LILRA5: variants seen among roughly 807,000 people sequenced by gnomAD.
The protein encoded by LILRA5 is leukocyte immunoglobulin like receptor A5.
In LILRA5, 31 loss-of-function variants were observed where a neutral mutation model predicts 36.3. The observed-to-expected ratio is 0.85, with a 90% confidence interval of 0.64 to 1.15. The LOEUF is 1.15. Ranked by LOEUF, LILRA5 falls within the 50% of genes most tolerant of loss-of-function variation. The pLI is 0.00. For missense variants in LILRA5, 348 were observed against 377.4 expected (o/e 0.92, Z 0.64); for synonymous variants, 144 against 144.8 (o/e 0.99, Z 0.04).
chr19:54,308,385 A>AGG lies in LILRA5; in HGVS notation c.713-638_713-637insCC, dbSNP rs2080938078. On this transcript the variant is annotated intron_variant, in intron 5 of 6. Coordinates refer to ENST00000432233, the MANE Select transcript of LILRA5 (RefSeq NM_021250.4). The stretch of plus-strand genomic sequence containing the variant: ...TATATATATATATATATATATATAT[A>AGG]TATATATATATATATATATATATGG... The AGG allele has an allele frequency of 2.4e-5, 2 of 84,508 alleles. 1 individual carries two copies. Among genetic ancestry groups the AGG allele is most frequent in the East Asian group, 7.7e-4 (2 of 2,582 alleles). The allele number at this position is 84,508 out of a possible 1,614,324, so 5.2% of individuals were successfully genotyped here. A position where few individuals can be genotyped will look rare whatever the true frequency, so the allele number is the denominator to read the frequency against.
At chr19:54,312,289 T>C in intron 3 of LILRA5, 46 bp downstream of exon 3, 1 of 1,614,038 alleles carries the variant, frequency 6.2e-7, no homozygotes, top group Non-Finnish European at 8.5e-7. Context: ...TGGCCCTTTG[T>C]CCCCATTGAG....
At chr19:54,309,927 G>T in intron 5 of LILRA5, 1 of 176,704 alleles carries the variant, frequency 5.7e-6, no homozygotes, top group Non-Finnish European at 1.2e-5. Flanking sequence ...CTTTGTCTCA[G>T]GGGTGCCCTG....
intron 1 of LILRA5, 140 bp downstream of exon 1, chr19:54,312,877 A>G: frequency 9.3e-7 from 1 of 1,076,364 alleles, no homozygotes. Context: ...GAGAGCCGGG[A>G]CACAGCAGCA....
At chr19:54,312,716 A>T in intron 1 of LILRA5, 95 bp from the exon 2 acceptor site, 4 of 1,235,424 alleles carry the variant, frequency 3.2e-6, no homozygotes, top group Non-Finnish European at 3.5e-6. Context: ...AGAAAGGGGA[A>T]CTGCTCTCCC....
chr19:54,307,800 GC>G (rs1569137912), intron 5 of LILRA5, 52 bp from the exon 6 acceptor site: 2 of 1,490,480 alleles, frequency 1.3e-6, no homozygotes, highest in African/African-American at 1.4e-5. Flanking sequence ...AGCAATCTGA[GC>G]CCAGCCTCTC....
In LILRA5 at chr19:54,307,468, A is replaced by G; in HGVS notation, c.845T>C (p.Leu282Pro). ...CTGGCTGTGCCAATCCTGAAATATC[A>G]GAATCCCAAGGACCACCAGGATCAA... ...AGLILVVLGILIFQDWHSQRS... is the reference protein window; with the variant it reads ...AGLILVVLGIPIFQDWHSQRS... The change falls in exon 7 of 7, where the codon CTG becomes CCG. Residue 282 changes from leucine to proline, a missense_variant. Coordinates refer to ENST00000432233, the MANE Select transcript of LILRA5 (RefSeq NM_021250.4). 1 of 1,613,956 alleles carries G rather than the reference A, an allele frequency of 6.2e-7. No homozygotes were observed. The highest frequency in any genetic ancestry group is 1.1e-5 in the South Asian group (1 of 91,060).
At chr19:54,310,125 G>A in intron 5 of LILRA5, 1 of 112,578 alleles carries the variant, frequency 8.9e-6, no homozygotes. Flanking sequence ...TGGGTGAGGG[G>A]CTCCATCCTC....
intron 5 of LILRA5, chr19:54,310,635 A>G: frequency 4.4e-6 from 1 of 227,610 alleles, no homozygotes; most frequent in Non-Finnish European, 9.2e-6. Context: ...CACATCTCAG[A>G]TGCCCCACAA....
chr19:54,312,740 C>T, intron 1 of LILRA5, 119 bp from the exon 2 acceptor site: 2 of 1,033,846 alleles, frequency 1.9e-6, no homozygotes, highest in South Asian at 1.4e-5. Context: ...GAGCCTGGCT[C>T]TCATTTCCCC....
chr19:54,312,066 C>T lies in LILRA5; in HGVS notation c.207G>A (p.Gly69=). ...RGNSVTIRCQ[G]TLEAQEYRLV... The stretch of plus-strand genomic sequence containing the variant: ...GACGGTATTCCTGGGCCTCCAGGGT[C>T]CCCTGACACCGGATGGTCACAGAGT... Residue 69 remains glycine, a synonymous_variant, in exon 4 of 7, where the codon GGG becomes GGA. Transcript: ENST00000432233. 1 of 1,614,142 alleles carries T rather than the reference C, an allele frequency of 6.2e-7. No homozygotes were observed. Among genetic ancestry groups the T allele is most frequent in the Non-Finnish European group, 8.5e-7 (1 of 1,179,998 alleles).
intron 4 of LILRA5, 56 bp downstream of exon 4, chr19:54,311,808 C>A: frequency 6.2e-7 from 1 of 1,613,070 alleles, no homozygotes; most frequent in South Asian, 1.1e-5. Context: ...CCCCTGAGAG[C>A]CGACCCCCTT....
chr19:54,308,383 A>ATATATG lies in LILRA5; in HGVS notation c.713-636_713-635insCATATA, dbSNP rs2080937531. On this transcript the variant is annotated intron_variant, in intron 5 of 6. Coordinates refer to ENST00000432233, the MANE Select transcript of LILRA5 (RefSeq NM_021250.4). ...TATATATATATATATATATATATAT[A>ATATATG]TATATATATATATATATATATATAT... The ATATATG allele has an allele frequency of 4.1e-5, 3 of 72,862 alleles. No individual in the cohort carries two copies. In the East Asian group the frequency reaches 1.3e-3, roughly 33 times the overall value. 4.5% of individuals were successfully genotyped at this position (72,862 alleles called of 1,614,324 possible).
intron 5 of LILRA5, 128 bp from the exon 6 acceptor site, chr19:54,307,876 T>C: frequency 2.8e-6 from 2 of 723,852 alleles, no homozygotes; most frequent in East Asian, 2.7e-5. Flanking sequence ...AGTTCCTCCA[T>C]AAACCCTCCC....
intron 5 of LILRA5, 59 bp from the exon 6 acceptor site, chr19:54,307,807 C>T: frequency 7.0e-7 from 1 of 1,437,370 alleles, no homozygotes; most frequent in Non-Finnish European, 9.8e-7. Flanking sequence ...TGAGCCCAGC[C>T]TCTCCCCTGA....
At chr19:54,308,373 ATAT>A (rs1569139043) in intron 5 of LILRA5, 1 of 42,010 alleles carries the variant, frequency 2.4e-5, no homozygotes. Flanking sequence ...ATATATATAT[ATAT>A]ATATATATAT....
Position 54,312,113 on chromosome 19 carries a change from C to T in LILRA5, c.160G>A (p.Gly54Ser). 1 of 1,614,118 alleles carries T rather than the reference C, an allele frequency of 6.2e-7. No homozygotes were observed. The highest frequency in any genetic ancestry group is 8.5e-7 in the Non-Finnish European group (1 of 1,180,012). The change falls in exon 4 of 7, where the codon GGC becomes AGC. Residue 54 changes from glycine (G) to serine (S), a missense_variant. Coordinates refer to ENST00000432233, the MANE Select transcript of LILRA5 (RefSeq NM_021250.4). ...LSKATLWAEP[G>S]SVISRGNSVT... ...GAGTTCCCCCGGCTGATCACAGAGC[C>T]TGGCTCAGCCCAGAGGGTGGCTTTG... is the stretch of plus-strand genomic sequence containing the variant.
intron 6 of LILRA5, 28 bp downstream of exon 6, chr19:54,307,670 C>A: frequency 3.7e-6 from 6 of 1,614,018 alleles, no homozygotes; most frequent in Non-Finnish European, 5.1e-6. Flanking sequence ...TGTGCCAGTT[C>A]CATAACTGAG....
intron 5 of LILRA5, 70 bp from the exon 6 acceptor site, chr19:54,307,818 G>A (rs186580504): frequency 7.7e-7 from 1 of 1,306,552 alleles, no homozygotes; most frequent in African/African-American, 1.5e-5. Flanking sequence ...TCTCCCCTGA[G>A]CTCTGCATTC....
chr19:54,311,436 G>A lies in LILRA5; in HGVS notation c.690C>T (p.Asp230=). 6.2e-7 allele frequency: 1 copy of A among 1,614,200 alleles called. No homozygotes were observed. Among genetic ancestry groups the A allele is most frequent in the African/African-American group, 1.3e-5 (1 of 75,038 alleles). ...HILQVWSEPS[D]LLEIPVSGAA... ...CACCTGAGACCGGAATCTCCAGGAG[G>A]TCACTGGGTTCTGACCATACCTGCA... The change falls in exon 5 of 7, where the codon GAC becomes GAT. Residue 230 remains aspartate, a synonymous_variant. Transcript: ENST00000432233.
Sources: gnomAD v4.1 joint callset for allele counts on GRCh38, gnomAD v4.1.1 for gene constraint, MANE v1.5 for transcripts, NCBI Gene and HGNC (gene_info 2026-07-23, HGNC 2026-07-21) for gene names.